Variants in C14orf39 observed in about 807,000 individuals in gnomAD.
C14orf39 encodes protein SIX6OS1.
A neutral mutation model predicts 85.6 loss-of-function variants in C14orf39; 66 were observed. The observed-to-expected ratio is 0.77, with a 90% CI of 0.63 to 0.95. The LOEUF (loss-of-function observed/expected upper bound fraction) is 0.95. Among genes scored for constraint, C14orf39 ranks in the 40% least tolerant of loss-of-function variants. C14orf39 has a pLI of 0.00. For synonymous variants in C14orf39, 242 were observed against 214.0 expected, an observed-to-expected ratio of 1.13 and a Z score of -1.14; for missense variants, 735 against 663.9, an observed-to-expected ratio of 1.11 and a Z score of -1.18.
At chr14:60,449,728 T>C (rs1890948956) in intron 16 of C14orf39, among the ~76,000 whole-genome samples, 1 of 152,220 alleles carries the variant, frequency 6.6e-6, no homozygotes, top group Non-Finnish European at 1.5e-5. Flanking sequence ...ATTTTGTTTC[T>C]TCATTTTACT....
At chr14:60,446,957 T>A (rs966169349) in intron 16 of C14orf39, among the ~76,000 whole-genome samples, 2 of 152,172 alleles carry the variant, frequency 1.3e-5, no homozygotes, top group Admixed American at 6.5e-5. Context: ...ACCACACGAT[T>A]ATCTCAATAG....
intron 5 of C14orf39, among the ~76,000 whole-genome samples, chr14:60,472,499 C>A (rs541331055): frequency 6.6e-6 from 1 of 152,056 alleles, no homozygotes; most frequent in Non-Finnish European, 1.5e-5. Context: ...GTGCTGCACC[C>A]ATTAACTCGT....
chr14:60,511,363 G>T, intron 1 of C14orf39: 1 of 1,310,720 alleles, frequency 7.6e-7, no homozygotes. Context: ...CAGAAGCCAG[G>T]TGACCAGGGA....
At chr14:60,471,043 A>AG (rs1272168319) in intron 7 of C14orf39, among the ~76,000 whole-genome samples, 1 of 151,926 alleles carries the variant, frequency 6.6e-6, no homozygotes, top group Non-Finnish European at 1.5e-5. Context: ...GGCATAAGGT[A>AG]GGTTTCCAGT....
intron 16 of C14orf39, among the ~76,000 whole-genome samples, chr14:60,443,291 T>C (rs1435028026): frequency 2.0e-5 from 3 of 152,172 alleles, no homozygotes; most frequent in South Asian, 2.1e-4. Context: ...TGACAGACTG[T>C]ACCTGGAAAA....
chr14:60,461,317 C>T (rs1026245996), intron 13 of C14orf39, 37 bp downstream of exon 13: 1 of 1,558,758 alleles, frequency 6.4e-7, no homozygotes, highest in South Asian at 1.1e-5. Context: ...AATTTGTTAC[C>T]CCGACTTCTT....
At chr14:60,480,855 T>G (rs541923590) in intron 4 of C14orf39, among the ~76,000 whole-genome samples, 1 of 152,200 alleles carries the variant, frequency 6.6e-6, no homozygotes, top group South Asian at 2.1e-4. Context: ...GCCAGGCAGG[T>G]AATGGCAAAT....
chr14:60,475,219 T>C (rs1892313158), intron 5 of C14orf39, among the ~76,000 whole-genome samples: 1 of 152,204 alleles, frequency 6.6e-6, no homozygotes, highest in Non-Finnish European at 1.5e-5. Flanking sequence ...TGATGGTAGT[T>C]TGTATTTCTG....
chr14:60,457,864 T>G (rs190088588), intron 14 of C14orf39, among the ~76,000 whole-genome samples: 1 of 152,128 alleles, frequency 6.6e-6, no homozygotes, highest in African/African-American at 2.4e-5. Flanking sequence ...GCTCTTGAAT[T>G]GTCGTGGCGA....
chr14:60,482,238 A>G (rs1892674089), intron 4 of C14orf39, among the ~76,000 whole-genome samples: 1 of 152,206 alleles, frequency 6.6e-6, no homozygotes, highest in South Asian at 2.1e-4. Flanking sequence ...GTACTTTTCC[A>G]CAACCCAATG....
At chr14:60,511,445 C>A (rs780389229) in intron 1 of C14orf39, 18 of 674,528 alleles carry the variant, frequency 2.7e-5, no homozygotes, top group Non-Finnish European at 3.9e-5. Context: ...CCTTTGGCCG[C>A]GACCACGGGA....
intron 1 of C14orf39, chr14:60,512,126 C>T (rs1893304309): frequency 6.6e-6 from 1 of 152,216 alleles, no homozygotes; most frequent in African/African-American, 2.4e-5. Flanking sequence ...CTCTCTAAGG[C>T]AAGTCCCCGC....
intron 11 of C14orf39, among the ~76,000 whole-genome samples, chr14:60,462,844 G>A (rs1566666637): frequency 2.6e-5 from 4 of 151,808 alleles, no homozygotes; most frequent in Non-Finnish European, 4.4e-5. Context: ...TATTTTATGT[G>A]TGGCCCAATA....
Position 60,504,238 on chromosome 14 carries a change from C to G in C14orf39, c.-143-4808G>C, listed in dbSNP as rs1442983176. 2.0e-5 allele frequency among the ~76,000 whole-genome samples: 3 copies of G among 152,168 alleles called. 1 individual carries two copies. The highest frequency in any genetic ancestry group is 7.2e-5 in the African/African-American group (3 of 41,444). On this transcript the variant is annotated intron_variant, in intron 1 of 5. Coordinates refer to the C14orf39 transcript ENST00000556799. Reference sequence around the variant, plus strand: ...TTAATAAGCACTTTTTGCTAACTAGCTGGATCAACTCAAAGAATTTAAGGT... The same window carrying G: ...TTAATAAGCACTTTTTGCTAACTAGGTGGATCAACTCAAAGAATTTAAGGT...
intron 1 of C14orf39, among the ~76,000 whole-genome samples, chr14:60,506,363 T>C (rs1458245149): frequency 6.6e-6 from 1 of 152,046 alleles, no homozygotes; most frequent in Non-Finnish European, 1.5e-5. Flanking sequence ...TACCCTTCTG[T>C]AAAATTAAGA....
intron 13 of C14orf39, among the ~76,000 whole-genome samples, chr14:60,459,676 C>T (rs1466257858): frequency 2.0e-5 from 3 of 151,652 alleles, no homozygotes; most frequent in African/African-American, 7.2e-5. Context: ...TTTTGCTAAT[C>T]TGGTGGATGT....
chr14:60,449,584 G>C (rs1197744345), intron 16 of C14orf39, among the ~76,000 whole-genome samples: 1 of 151,982 alleles, frequency 6.6e-6, no homozygotes, highest in Non-Finnish European at 1.5e-5. Flanking sequence ...ATAATATTTA[G>C]GATTTATAAT....
At chr14:60,502,712 T>C (rs1228188796) in intron 1 of C14orf39, among the ~76,000 whole-genome samples, 1 of 152,246 alleles carries the variant, frequency 6.6e-6, no homozygotes, top group Non-Finnish European at 1.5e-5. Flanking sequence ...ACTGTCTGCC[T>C]GTATAATTCC....
upstream of C14orf39, among the ~76,000 whole-genome samples, chr14:60,486,418 T>G (rs867521649): frequency 3.3e-5 from 5 of 152,316 alleles, no homozygotes; most frequent in South Asian, 1.0e-3. Flanking sequence ...TAAAAAATAC[T>G]CAATTCAATA....
Sources: allele counts gnomAD v4.1 joint callset (sites outside exome capture counted in the v4.1 genomes callset), GRCh38; gene constraint gnomAD v4.1.1; transcripts MANE v1.5; gene names NCBI Gene and HGNC (gene_info 2026-07-23, HGNC 2026-07-21).